DLG2: variants seen among roughly 807,000 people sequenced by gnomAD.
The protein encoded by DLG2 is disks large homolog 2.
DLG2 carries 45 observed loss-of-function variants against 132.5 expected under a neutral mutation model. That is an observed-to-expected ratio of 0.34 (90% CI 0.27 to 0.44). DLG2 has a LOEUF of 0.44. Ranked by LOEUF, DLG2 falls within the 20% of genes least tolerant of loss-of-function variation. The probability of loss-of-function intolerance (pLI) is 1.00; values close to 1 mark genes in which losing one functional copy is unlikely to be tolerated. For synonymous variants in DLG2, 424 were observed against 419.6 expected (o/e 1.01, Z -0.13); for missense variants, 1,045 against 1,196.9 (o/e 0.87, Z 1.87).
chr11:83,577,367 G>T (rs933956183), intron 19 of DLG2, among the ~76,000 whole-genome samples: 12 of 146,968 alleles, frequency 8.2e-5, no homozygotes, highest in East Asian at 5.9e-4. Flanking sequence ...TCTAATAGGA[G>T]ATATATGTAT....
intron 6 of DLG2, among the ~76,000 whole-genome samples, chr11:85,061,288 TTCTA>T (rs2064107328): frequency 6.6e-6 from 1 of 151,408 alleles, no homozygotes; most frequent in East Asian, 1.9e-4. Context: ...TAATTGAAAT[TTCTA>T]TCTGAGTTAT....
chr11:84,009,308 G>A (rs907290342), intron 11 of DLG2, among the ~76,000 whole-genome samples: 1 of 151,720 alleles, frequency 6.6e-6, no homozygotes, highest in Non-Finnish European at 1.5e-5. Flanking sequence ...CACCACCTTC[G>A]ATCGCACAAA....
intron 11 of DLG2, among the ~76,000 whole-genome samples, chr11:83,998,188 C>T (rs2094151460): frequency 6.6e-6 from 1 of 152,102 alleles, no homozygotes; most frequent in African/African-American, 2.4e-5. Flanking sequence ...AGGAGGAGCA[C>T]ACTCTGGTCT....
intron 6 of DLG2, among the ~76,000 whole-genome samples, chr11:85,060,524 T>G (rs558235866): frequency 1.4e-4 from 21 of 151,024 alleles, no homozygotes; most frequent in Non-Finnish European, 2.7e-4. Context: ...TGTGTATACA[T>G]GTATTTATAT....
chr11:84,345,605 G>A (rs1412762454), intron 7 of DLG2, among the ~76,000 whole-genome samples: 1 of 152,134 alleles, frequency 6.6e-6, no homozygotes, highest in East Asian at 1.9e-4. Context: ...AAATATTGAA[G>A]TGAAGATGGT....
chr11:84,110,623 T>C (rs1467088442), intron 9 of DLG2, among the ~76,000 whole-genome samples: 1 of 152,128 alleles, frequency 6.6e-6, no homozygotes, highest in Admixed American at 6.5e-5. Flanking sequence ...GGAAGATAGG[T>C]TGGAAGTATC....
At chr11:84,337,325 T>G (rs867903832) in intron 7 of DLG2, among the ~76,000 whole-genome samples, 11 of 152,220 alleles carry the variant, frequency 7.2e-5, no homozygotes, top group Middle Eastern at 6.3e-3. Context: ...CTCAATAGTG[T>G]ACACTCAATA....
intron 8 of DLG2, among the ~76,000 whole-genome samples, chr11:84,203,977 G>GA (rs780330199): frequency 6.6e-6 from 1 of 152,084 alleles, no homozygotes; most frequent in Non-Finnish European, 1.5e-5. Context: ...TTATTTTTGA[G>GA]ACGGAGTTTT....
intron 12 of DLG2, among the ~76,000 whole-genome samples, chr11:83,972,475 G>A (rs947682664): frequency 2.0e-5 from 3 of 152,052 alleles, no homozygotes; most frequent in Non-Finnish European, 4.4e-5. Context: ...TCTTTATGTA[G>A]AAATTATCAA....
intron 6 of DLG2, among the ~76,000 whole-genome samples, chr11:84,868,095 AATAAT>A (rs941386077): frequency 2.7e-5 from 4 of 148,236 alleles, no homozygotes; most frequent in Non-Finnish European, 5.9e-5. Context: ...AATTCTTATT[AATAAT>A]ATATTATTAT....
chr11:85,085,751 T>C (rs7926834), intron 6 of DLG2, among the ~76,000 whole-genome samples: 10 of 152,104 alleles, frequency 6.6e-5, no homozygotes, highest in African/African-American at 2.4e-4. Context: ...ATTTAGCAAC[T>C]TGCCCAAGGT....
chr11:85,145,769 A>G (rs544826746), intron 5 of DLG2, among the ~76,000 whole-genome samples: 1 of 152,142 alleles, frequency 6.6e-6, no homozygotes, highest in Non-Finnish European at 1.5e-5. Flanking sequence ...AACTTTCTCA[A>G]ACAACTATTT....
rs1263331306 is a variant in DLG2 at position 84,294,085 on chromosome 11, T to G, written c.520-42794A>C. Among the ~76,000 whole-genome samples, 3 of 152,172 alleles carry G rather than the reference T, an allele frequency of 2.0e-5. No homozygotes were observed. In the East Asian group the frequency reaches 5.8e-4, roughly 29 times the overall value. On this transcript the variant is annotated intron_variant, in intron 7 of 27. Coordinates refer to ENST00000376104, the MANE Select transcript of DLG2 (RefSeq NM_001142699.3). ...CAGTACACCATTCACCTTGTAACAC[T>G]GTAACACAATAGGAGGTAAGTTCTA...
chr11:84,395,414 CT>C (rs2098807664), intron 7 of DLG2, among the ~76,000 whole-genome samples: 1 of 151,892 alleles, frequency 6.6e-6, no homozygotes, highest in African/African-American at 2.4e-5. Context: ...TTTCTTTCTT[CT>C]TTTGCTTTTT....
intron 7 of DLG2, among the ~76,000 whole-genome samples, chr11:84,530,958 G>A (rs182696043): frequency 7.2e-5 from 11 of 152,108 alleles, no homozygotes; most frequent in Admixed American, 5.2e-4. Context: ...AACTTCGGGA[G>A]GCCAAGGCGG....
chr11:85,493,324 C>A (rs947096490), intron 3 of DLG2, among the ~76,000 whole-genome samples: 1 of 152,180 alleles, frequency 6.6e-6, no homozygotes, highest in Non-Finnish European at 1.5e-5. Flanking sequence ...CATCTTATGG[C>A]CTTTGCAATT....
At chr11:84,501,209 T>C (rs1465400487) in intron 7 of DLG2, among the ~76,000 whole-genome samples, 4 of 152,258 alleles carry the variant, frequency 2.6e-5, no homozygotes, top group Non-Finnish European at 4.4e-5. Context: ...CTTTTAATTA[T>C]GAAGAACTTC....
intron 6 of DLG2, among the ~76,000 whole-genome samples, chr11:85,013,183 T>A (rs1349440895): frequency 6.6e-6 from 1 of 152,192 alleles, no homozygotes; most frequent in African/African-American, 2.4e-5. Flanking sequence ...CCCTTGAACC[T>A]TTTATAGCAC....
chr11:84,624,834 T>G (rs1412540427), intron 6 of DLG2, among the ~76,000 whole-genome samples: 1 of 141,484 alleles, frequency 7.1e-6, no homozygotes, highest in African/African-American at 2.8e-5. Flanking sequence ...CTTCTGAGAG[T>G]TACCTCTCAG....
Sources: allele counts gnomAD v4.1 joint callset (sites outside exome capture counted in the v4.1 genomes callset), GRCh38; gene constraint gnomAD v4.1.1; transcripts MANE v1.5; gene names NCBI Gene and HGNC (gene_info 2026-07-23, HGNC 2026-07-21).